TENM1: variants seen among roughly 807,000 people sequenced by gnomAD.
TENM1 encodes teneurin transmembrane protein 1.
In TENM1, 35 loss-of-function variants were observed where a neutral mutation model predicts 174.8. The observed-to-expected ratio is 0.20, with a 90% CI of 0.15 to 0.27. The LOEUF (loss-of-function observed/expected upper bound fraction) is 0.27. Ranked by LOEUF, TENM1 falls within the 10% of genes least tolerant of loss-of-function variation. TENM1 has a pLI of 1.00. For synonymous variants in TENM1, 781 were observed against 798.7 expected, an observed-to-expected ratio of 0.98 and a Z score of 0.37; for missense variants, 1,633 against 2,130.1, an observed-to-expected ratio of 0.77 and a Z score of 4.59.
At chrX:124,998,877 G>A in the TENM1 span, among the ~76,000 whole-genome samples, 1 of 111,410 alleles carries the variant, frequency 9.0e-6, no homozygotes, top group Admixed American at 9.6e-5. Context: ...AACATTTCTG[G>A]AATTCTTCTT....
the TENM1 span, among the ~76,000 whole-genome samples, chrX:125,016,817 T>C: frequency 9.0e-6 from 1 of 111,498 alleles, no homozygotes; most frequent in Non-Finnish European, 1.9e-5. Context: ...CAAATTATAC[T>C]ACAAGGCTAC....
intron 3 of TENM1, among the ~76,000 whole-genome samples, chrX:124,751,013 G>A (rs948022394): frequency 8.9e-6 from 1 of 111,853 alleles, no homozygotes; most frequent in Admixed American, 9.5e-5. Context: ...CTTCATTTCA[G>A]TAGCACCTAC....
intron 5 of TENM1, among the ~76,000 whole-genome samples, chrX:124,689,191 G>A (rs915216160): frequency 1.8e-5 from 2 of 111,858 alleles, no homozygotes; most frequent in Non-Finnish European, 3.8e-5. Context: ...TGCTGGTAGT[G>A]TAAAGTGTTG....
the TENM1 span, among the ~76,000 whole-genome samples, chrX:124,990,750 T>C: frequency 8.9e-6 from 1 of 112,185 alleles, no homozygotes; most frequent in African/African-American, 3.2e-5. Flanking sequence ...TATCATCCTA[T>C]CAGGATTAAT....
In TENM1 at chrX:124,853,210, G is replaced by A. The variant is rs184328022; in HGVS notation, c.535+41086C>T. Among the ~76,000 whole-genome samples, 7 of 111,427 alleles carry A rather than the reference G, an allele frequency of 6.3e-5. No homozygotes were observed. In the East Asian group the frequency reaches 2.0e-3, roughly 32 times the overall value. ...AAGAGAAAGTTAAAGCAAGAAAAGA[G>A]AAAAGGAAGTAATTGTGTGGATACA... On this transcript the variant is annotated intron_variant, in intron 3 of 31. Coordinates refer to ENST00000422452, the Ensembl canonical transcript of TENM1.
At position 124,381,338 on chromosome X, in the gene TENM1, A is replaced by T. The variant is rs761893247; in HGVS notation, c.7441-44T>A. ...GAGCAGATGCAGCATGGAGTTAGAC[A>T]TCTGTCAGATACTTGGTGATTGTGG... On this transcript the variant is annotated intron_variant, in intron 31 of 31. Transcript: ENST00000422452. The T allele has an allele frequency of 6.3e-6, 7 of 1,113,786 alleles. No homozygotes were observed. In the Admixed American group the frequency reaches 1.7e-4, roughly 27 times the overall value. 91.8% of individuals were successfully genotyped at this position (1,113,786 alleles called of 1,213,427 possible).
the TENM1 span, among the ~76,000 whole-genome samples, chrX:125,180,652 A>T: frequency 9.0e-6 from 1 of 111,088 alleles, no homozygotes; most frequent in Non-Finnish European, 1.9e-5. Context: ...CACAAGCAAC[A>T]TTAGAAAACC....
intron 16 of TENM1, among the ~76,000 whole-genome samples, chrX:124,528,706 T>C (rs1364410341): frequency 9.0e-6 from 1 of 110,570 alleles, no homozygotes; most frequent in Non-Finnish European, 1.9e-5. Flanking sequence ...CATATATATG[T>C]ACATATATGT....
intron 14 of TENM1, 25 bp downstream of exon 17, chrX:124,561,646 C>A: frequency 8.3e-7 from 1 of 1,208,722 alleles, no homozygotes; most frequent in Non-Finnish European, 1.1e-6. Flanking sequence ...TCCTTTCTTA[C>A]GTGAACATTT....
Position 124,669,029 on chromosome X carries a change from G to A in TENM1, c.1168+2654C>T, listed in dbSNP as rs749832644. 7.2e-5 allele frequency among the ~76,000 whole-genome samples: 8 copies of A among 111,760 alleles called. No individual in the cohort carries two copies. The South Asian group carries it at 2.3e-3, about 32-fold the overall frequency. On this transcript the variant is annotated intron_variant, in intron 6 of 31. Transcript: ENST00000422452. ...GAAAGCAGGTTCTATAGCACCTAAC[G>A]GAATGTCAATGAAGTTCAAAAACCT...
At chrX:124,954,387 GC>G (rs1475234175) in intron 1 of TENM1, among the ~76,000 whole-genome samples, 3 of 111,479 alleles carry the variant, frequency 2.7e-5, no homozygotes, top group African/African-American at 9.8e-5. Context: ...CACTTTTCTG[GC>G]TTCTTTCCCT....
rs192912477 is a variant in TENM1, at chrX:124,906,394, G to A, written c.218-10153C>T. ...TTGGGGACTGTCTGTATATATTTGC[G>A]TATAAAGCTTTGTTCTAGTGTGTGC... On this transcript the variant is annotated intron_variant, in intron 1 of 31. Coordinates refer to ENST00000422452, the Ensembl canonical transcript of TENM1. Among the ~76,000 whole-genome samples the A allele has an allele frequency of 1.6e-3, 177 of 111,823 alleles. 1 individual carries two copies. Among genetic ancestry groups the A allele is most frequent in the African/African-American group, 5.3e-3 (163 of 30,799 alleles).
intron 17 of TENM1, among the ~76,000 whole-genome samples, chrX:124,522,813 T>A (rs1247823938): frequency 9.1e-6 from 1 of 110,006 alleles, no homozygotes; most frequent in Non-Finnish European, 1.9e-5. Context: ...CTCAGCCTCC[T>A]GAGTAGCTGG....
the TENM1 span, among the ~76,000 whole-genome samples, chrX:124,993,378 C>T: frequency 9.0e-6 from 1 of 111,012 alleles, no homozygotes; most frequent in Non-Finnish European, 1.9e-5. Context: ...TCTATATACT[C>T]AGAAGCCTCA....
At chrX:124,887,762 TGC>T (rs1414345747) in intron 3 of TENM1, among the ~76,000 whole-genome samples, 2 of 111,249 alleles carry the variant, frequency 1.8e-5, no homozygotes, top group Non-Finnish European at 3.8e-5. Flanking sequence ...CAGAGTCAAC[TGC>T]ACTGTCTCAC....
At chrX:124,383,164 C>T (rs893550980) in intron 30 of TENM1, among the ~76,000 whole-genome samples, 2 of 110,010 alleles carry the variant, frequency 1.8e-5, no homozygotes, top group Middle Eastern at 4.6e-3. Context: ...CCAGGCTGGT[C>T]TCAAACTCCT....
At chrX:124,529,321 C>A (rs1002651271) in intron 16 of TENM1, among the ~76,000 whole-genome samples, 1 of 111,838 alleles carries the variant, frequency 8.9e-6, no homozygotes, top group African/African-American at 3.3e-5. Flanking sequence ...TCTTAGAGAA[C>A]CCCCTTAGAG....
At chrX:124,983,610 T>C in the TENM1 span, among the ~76,000 whole-genome samples, 2 of 110,298 alleles carry the variant, frequency 1.8e-5, no homozygotes, top group Non-Finnish European at 3.8e-5. Flanking sequence ...AGAAGTGATA[T>C]GAAGTTTTTT....
the TENM1 span, among the ~76,000 whole-genome samples, chrX:125,036,586 C>G: frequency 6.3e-5 from 7 of 111,776 alleles, no homozygotes; most frequent in African/African-American, 2.3e-4. Flanking sequence ...CAAAGGCCAA[C>G]TGGGACTTGA....
Sources: allele counts gnomAD v4.1 joint callset (sites outside exome capture counted in the v4.1 genomes callset), GRCh38; gene constraint gnomAD v4.1.1; transcripts MANE v1.5; gene names NCBI Gene and HGNC (gene_info 2026-07-23, HGNC 2026-07-21).